The following TMEM117 variants were observed in gnomAD, a reference collection of about 807,000 sequenced individuals.
The protein encoded by TMEM117 is transmembrane protein 117.
In TMEM117, 27 loss-of-function variants were observed where a neutral mutation model predicts 52.4. The ratio of observed to expected loss-of-function variants is 0.51; its 90% confidence interval spans 0.38 to 0.71. The LOEUF is 0.71. TMEM117 is among the 30% of genes least tolerant of loss of function. The pLI, the probability that TMEM117 is intolerant of heterozygous loss-of-function variation, is 0.00. For missense variants in TMEM117, 556 were observed against 630.5 expected, an observed-to-expected ratio of 0.88 and a Z score of 1.26; for synonymous variants, 215 against 206.3, an observed-to-expected ratio of 1.04 and a Z score of -0.36.
At chr12:43,913,774 G>A (rs7136340) in intron 2 of TMEM117, among the ~76,000 whole-genome samples, 144,818 of 152,270 alleles carry the variant, frequency 0.95, 68,957 homozygotes, top group East Asian at 1. Context: ...GAATAAAGGA[G>A]AATTTTGGCA....
intron 3 of TMEM117, among the ~76,000 whole-genome samples, chr12:44,074,794 A>G (rs902560499): frequency 1.3e-5 from 2 of 152,198 alleles, no homozygotes; most frequent in African/African-American, 2.4e-5. Context: ...AGAATTTCAG[A>G]GGAGGAGGCA....
intron 4 of TMEM117, among the ~76,000 whole-genome samples, chr12:44,207,850 G>C (rs1387131857): frequency 1.3e-5 from 2 of 151,764 alleles, no homozygotes; most frequent in Admixed American, 6.6e-5. Context: ...TAGAACCCAG[G>C]CAGGCTGGCT....
intron 5 of TMEM117, among the ~76,000 whole-genome samples, chr12:44,226,045 T>G (rs1187519700): frequency 6.6e-6 from 1 of 152,234 alleles, no homozygotes; most frequent in Non-Finnish European, 1.5e-5. Flanking sequence ...CGCCCCATCA[T>G]GCAGCTTATA....
chr12:43,978,652 G>A (rs950004115), intron 3 of TMEM117, among the ~76,000 whole-genome samples: 5 of 152,106 alleles, frequency 3.3e-5, no homozygotes, highest in Non-Finnish European at 5.9e-5. Context: ...TGCTCTATAT[G>A]GCCTGTATAA....
chr12:44,215,080 T>TC (rs1474494763), intron 5 of TMEM117, among the ~76,000 whole-genome samples: 4 of 152,176 alleles, frequency 2.6e-5, no homozygotes, highest in Non-Finnish European at 2.9e-5. Flanking sequence ...TTTGCTTTAG[T>TC]TAAGGAAAGA....
At chr12:44,143,880 A>G (rs1227824272) in intron 4 of TMEM117, among the ~76,000 whole-genome samples, 1 of 152,184 alleles carries the variant, frequency 6.6e-6, no homozygotes, top group Non-Finnish European at 1.5e-5. Context: ...TCATCTACCT[A>G]TCTAAACACA....
chr12:43,992,042 A>G (rs1945951224), intron 3 of TMEM117, among the ~76,000 whole-genome samples: 1 of 152,010 alleles, frequency 6.6e-6, no homozygotes, highest in South Asian at 2.1e-4. Context: ...ACATGCCTGT[A>G]GTCCCAGCTA....
chr12:44,315,688 A>G (rs1360674177), intron 6 of TMEM117, among the ~76,000 whole-genome samples: 1 of 152,130 alleles, frequency 6.6e-6, no homozygotes, highest in Non-Finnish European at 1.5e-5. Flanking sequence ...GTGGTGGGCT[A>G]AGGCTTTTCA....
intron 3 of TMEM117, among the ~76,000 whole-genome samples, chr12:44,104,230 A>T (rs1329700944): frequency 4.6e-5 from 7 of 152,040 alleles, no homozygotes; most frequent in African/African-American, 1.7e-4. Flanking sequence ...ATTAACTATA[A>T]CAGGAATATA....
At chr12:44,143,198 C>T (rs1011276010) in intron 3 of TMEM117, among the ~76,000 whole-genome samples, 21 of 152,198 alleles carry the variant, frequency 1.4e-4, no homozygotes, top group Admixed American at 3.3e-4. Flanking sequence ...TGTTTCTGCT[C>T]TGCTCATACT....
chr12:44,268,418 A>G (rs1417266787), intron 5 of TMEM117, among the ~76,000 whole-genome samples: 1 of 152,074 alleles, frequency 6.6e-6, no homozygotes, highest in Non-Finnish European at 1.5e-5. Context: ...TCTTGGGATT[A>G]CAGACATGAG....
chr12:44,143,543 C>A lies in TMEM117; in HGVS notation c.429C>A (p.Asp143Glu). Residue 143 changes from aspartate (D) to glutamate (E), a missense_variant, in exon 4 of 8, where the codon GAC becomes GAA. By Grantham distance (45) the Asp-to-Glu change is conservative. Around this residue, in one of 3 missense-constraint regions of TMEM117, gnomAD observed 328 missense variants for 371.4 expected, o/e 0.88. Transcript: ENST00000266534. The part of the protein sequence containing the change: ...DGNMGAYIIT[D>E]YMGIRNESFM... ...TCCACAGAGCATATATCATTACAGACTATATGGGCATCCGAAATGAAAGTT... is the reference window on the plus strand; with the variant it reads ...TCCACAGAGCATATATCATTACAGAATATATGGGCATCCGAAATGAAAGTT... The A allele has an allele frequency of 1.2e-6, 2 of 1,613,238 alleles. No individual in the cohort carries two copies. The highest frequency in any genetic ancestry group is 1.7e-6 in the Non-Finnish European group (2 of 1,179,298).
chr12:43,960,834 T>A (rs1945390962), intron 3 of TMEM117, among the ~76,000 whole-genome samples: 1 of 152,200 alleles, frequency 6.6e-6, no homozygotes, highest in South Asian at 2.1e-4. Flanking sequence ...TTATAATTAA[T>A]GATATTAATA....
chr12:44,048,671 A>G (rs1181289876), intron 3 of TMEM117, among the ~76,000 whole-genome samples: 1 of 152,216 alleles, frequency 6.6e-6, no homozygotes, highest in Non-Finnish European at 1.5e-5. Context: ...TTCAACTCCT[A>G]GTAAGTTAGC....
the TMEM117 span, among the ~76,000 whole-genome samples, chr12:43,809,544 T>C: frequency 6.6e-6 from 1 of 152,222 alleles, no homozygotes; most frequent in Admixed American, 6.5e-5. Flanking sequence ...TCTAACACAA[T>C]ACATTACAAT....
At chr12:44,309,619 C>T (rs1413160245) in intron 6 of TMEM117, among the ~76,000 whole-genome samples, 1 of 152,140 alleles carries the variant, frequency 6.6e-6, no homozygotes, top group Non-Finnish European at 1.5e-5. Flanking sequence ...GTACTGGGCA[C>T]TGTCCTGGAT....
At chr12:43,991,486 G>C (rs1945940497) in intron 3 of TMEM117, among the ~76,000 whole-genome samples, 1 of 149,204 alleles carries the variant, frequency 6.7e-6, no homozygotes, top group African/African-American at 2.6e-5. Context: ...ATCTATCTCT[G>C]TCTATCTATC....
intron 2 of TMEM117, among the ~76,000 whole-genome samples, chr12:43,927,941 T>C (rs1320798943): frequency 6.6e-6 from 1 of 152,070 alleles, no homozygotes; most frequent in East Asian, 1.9e-4. Flanking sequence ...AGTTTTTTTG[T>C]GTTTTCTGTT....
intron 5 of TMEM117, among the ~76,000 whole-genome samples, chr12:44,232,046 A>T (rs1362501077): frequency 6.6e-6 from 1 of 151,702 alleles, no homozygotes; most frequent in Non-Finnish European, 1.5e-5. Flanking sequence ...GTTGTTGCTT[A>T]ACCTATATAA....
Sources: gnomAD v4.1 joint callset for allele counts (sites outside exome capture counted in the v4.1 genomes callset) on GRCh38, gnomAD v4.1.1 for gene constraint, gnomAD v4.1.1 regional missense constraint, MANE v1.5 for transcripts, NCBI Gene and HGNC (gene_info 2026-07-23, HGNC 2026-07-21) for gene names.